The following OTUD7A variants were observed in gnomAD, a reference collection of about 807,000 sequenced individuals.
OTUD7A encodes OTU deubiquitinase 7A, also known as OTU domain-containing protein 7A.
OTUD7A carries 12 observed loss-of-function variants against 65.7 expected under a neutral mutation model. The ratio of observed to expected loss-of-function variants is 0.18; its 90% confidence interval spans 0.12 to 0.30. OTUD7A has a LOEUF of 0.30. Ranked by LOEUF, OTUD7A falls within the 10% of genes least tolerant of loss-of-function variation. OTUD7A has a pLI of 1.00. For missense variants in OTUD7A, 1,148 were observed against 1,304.8 expected, an observed-to-expected ratio of 0.88 and a Z score of 1.85; for synonymous variants, 641 against 586.3, an observed-to-expected ratio of 1.09 and a Z score of -1.35.
chr15:31,494,491 T>C (rs2041357504), intron 10 of OTUD7A, among the ~76,000 whole-genome samples: 1 of 152,212 alleles, frequency 6.6e-6, no homozygotes, highest in South Asian at 2.1e-4. Context: ...TGGTATTCTG[T>C]GGCAGCAGCC....
At chr15:31,641,184 C>T (rs1891505337) in intron 3 of OTUD7A, among the ~76,000 whole-genome samples, 1 of 152,188 alleles carries the variant, frequency 6.6e-6, no homozygotes, top group Middle Eastern at 3.4e-3. Flanking sequence ...AGTGTCTGGC[C>T]TCTCCCCTGC....
intron 5 of OTUD7A, 155 bp downstream of exon 5, chr15:31,558,814 G>T: frequency 1.3e-6 from 1 of 788,036 alleles, no homozygotes; most frequent in Non-Finnish European, 2.0e-6. Flanking sequence ...CTGTCGGCCC[G>T]TAGAGCAGGA....
At chr15:31,512,256 T>C (rs2041766672) in intron 8 of OTUD7A, among the ~76,000 whole-genome samples, 1 of 152,066 alleles carries the variant, frequency 6.6e-6, no homozygotes, top group African/African-American at 2.4e-5. Flanking sequence ...TCTGAGTTTA[T>C]TCCACATACC....
At chr15:31,750,383 G>A (rs927825400) in intron 1 of OTUD7A, among the ~76,000 whole-genome samples, 10 of 107,930 alleles carry the variant, frequency 9.3e-5, no homozygotes, top group African/African-American at 1.4e-4. Flanking sequence ...TTTCTAGCCC[G>A]GGCAACAGAG....
chr15:31,803,711 C>T (rs1896193697), intron 1 of OTUD7A, among the ~76,000 whole-genome samples: 1 of 152,218 alleles, frequency 6.6e-6, no homozygotes, highest in South Asian at 2.1e-4. Flanking sequence ...GTTTCCATCG[C>T]TGCAGTGAGT....
intron 5 of OTUD7A, among the ~76,000 whole-genome samples, chr15:31,542,682 C>T (rs879891602): frequency 3.3e-5 from 5 of 151,776 alleles, no homozygotes; most frequent in African/African-American, 7.2e-5. Flanking sequence ...TCTTCCTTAA[C>T]ATATCCTAGT....
chr15:31,780,571 C>G (rs1490003542), intron 1 of OTUD7A, among the ~76,000 whole-genome samples: 1 of 152,152 alleles, frequency 6.6e-6, no homozygotes, highest in Non-Finnish European at 1.5e-5. Context: ...AAGACACCAC[C>G]ACCTGGGAAA....
intron 1 of OTUD7A, among the ~76,000 whole-genome samples, chr15:31,806,299 C>G (rs1250438391): frequency 2.0e-5 from 3 of 152,154 alleles, no homozygotes; most frequent in Non-Finnish European, 4.4e-5. Flanking sequence ...CCTGGAGTGT[C>G]ATTTATGTGC....
At chr15:31,824,326 A>G (rs2140975923) in intron 1 of OTUD7A, among the ~76,000 whole-genome samples, 1 of 152,280 alleles carries the variant, frequency 6.6e-6, no homozygotes, top group East Asian at 1.9e-4. Flanking sequence ...CCATAGCAAC[A>G]CCTGCCGCTT....
intron 1 of OTUD7A, among the ~76,000 whole-genome samples, chr15:31,826,405 C>T (rs1385313374): frequency 6.6e-6 from 1 of 152,252 alleles, no homozygotes; most frequent in Non-Finnish European, 1.5e-5. Flanking sequence ...CCCCTTTCAA[C>T]CATGGCTGGA....
At chr15:31,666,862 T>C (rs1892335083) in intron 1 of OTUD7A, among the ~76,000 whole-genome samples, 1 of 152,196 alleles carries the variant, frequency 6.6e-6, no homozygotes, top group South Asian at 2.1e-4. Flanking sequence ...AATTTTTAAA[T>C]TTCCATCGTG....
At chr15:31,752,381 A>C in intron 1 of OTUD7A, among the ~76,000 whole-genome samples, 1 of 152,236 alleles carries the variant, frequency 6.6e-6, no homozygotes, top group Admixed American at 6.5e-5. Flanking sequence ...GGTTTTTCAA[A>C]TAATTGTAGG....
At chr15:31,785,731 G>A (rs892532519) in intron 1 of OTUD7A, among the ~76,000 whole-genome samples, 5 of 152,204 alleles carry the variant, frequency 3.3e-5, no homozygotes, top group African/African-American at 1.2e-4. Flanking sequence ...GTGAGAGCCT[G>A]CCCTATTTAA....
intron 5 of OTUD7A, among the ~76,000 whole-genome samples, chr15:31,542,096 G>C (rs1025022315): frequency 6.6e-5 from 10 of 152,050 alleles, no homozygotes; most frequent in African/African-American, 2.4e-4. Context: ...ATCTCTCTAA[G>C]AGGAGTACAC....
chr15:31,610,617 A>ATATATATTTTTTTTTTTTTTTTTTTTTT, intron 3 of OTUD7A, among the ~76,000 whole-genome samples: 2 of 30,560 alleles, frequency 6.5e-5, no homozygotes, highest in African/African-American at 1.7e-4. Context: ...ATATATATAT[A>ATATATATTTTTTTTTTTTTTTTTTTTTT]TTTTTTTTTT....
intron 8 of OTUD7A, among the ~76,000 whole-genome samples, chr15:31,513,706 T>C (rs2041797493): frequency 6.6e-6 from 1 of 152,206 alleles, no homozygotes; most frequent in South Asian, 2.1e-4. Context: ...GTCCCATCAC[T>C]GGTGAGGTTG....
chr15:31,856,712 T>C (rs1317714088), intron 1 of OTUD7A, among the ~76,000 whole-genome samples: 1 of 152,210 alleles, frequency 6.6e-6, no homozygotes, highest in Non-Finnish European at 1.5e-5. Context: ...CTACAATCTA[T>C]GTAAAAATTA....
chr15:31,654,965 C>T lies in OTUD7A; in HGVS notation c.151+131G>A, dbSNP rs111874130. ...TAGTGATAAAATTTTGACTTAATAT[C>T]GGTAAGATGTAACACAAAGCAAAGC... is the stretch of plus-strand genomic sequence containing the variant. On this transcript the variant is annotated intron_variant, in intron 3 of 12. Coordinates refer to ENST00000307050, the MANE Select transcript of OTUD7A (RefSeq NM_001382637.1). 313 of 1,070,848 alleles carry T rather than the reference C, an allele frequency of 2.9e-4. 6 individuals are homozygous for T. In the African/African-American group the frequency reaches 4.3e-3, roughly 15 times the overall value. The allele number at this position is 1,070,848 out of a possible 1,614,324, so 66.3% of individuals were successfully genotyped here. A position where few individuals can be genotyped will look rare whatever the true frequency, so the allele number is the denominator to read the frequency against.
chr15:31,707,891 C>G (rs560746754), intron 1 of OTUD7A, among the ~76,000 whole-genome samples: 1 of 152,178 alleles, frequency 6.6e-6, no homozygotes, highest in South Asian at 2.1e-4. Context: ...TCATACTTGT[C>G]ATACTTCTTG....
Sources: allele counts gnomAD v4.1 joint callset (sites outside exome capture counted in the v4.1 genomes callset), GRCh38; gene constraint gnomAD v4.1.1; transcripts MANE v1.5; gene names NCBI Gene and HGNC (gene_info 2026-07-23, HGNC 2026-07-21).